SMOC1: variants seen among roughly 807,000 people sequenced by gnomAD.
SMOC1 encodes the protein SPARC related modular calcium binding 1, also known as SPARC-related modular calcium-binding protein 1.
In SMOC1, 22 loss-of-function variants were observed where a neutral mutation model predicts 56.3. The ratio of observed to expected loss-of-function variants is 0.39; its 90% CI spans 0.28 to 0.56. SMOC1 has a LOEUF of 0.56. SMOC1 is among the 20% of genes least tolerant of loss of function. The pLI is 0.61. For missense variants in SMOC1, 509 were observed against 565.4 expected (o/e 0.90, Z 1.01); for synonymous variants, 193 against 215.0 (o/e 0.90, Z 0.89).
intron 1 of SMOC1, among the ~76,000 whole-genome samples, chr14:69,910,176 C>G (rs369450991): frequency 3.0e-4 from 46 of 152,350 alleles, no homozygotes; most frequent in African/African-American, 1.0e-3. Flanking sequence ...TACATAGACT[C>G]TCATTTATTT....
At chr14:69,949,582 C>G (rs1286733316) in intron 1 of SMOC1, among the ~76,000 whole-genome samples, 1 of 152,178 alleles carries the variant, frequency 6.6e-6, no homozygotes, top group Non-Finnish European at 1.5e-5. Context: ...ATTGTCCTCA[C>G]CTGGGAGAGT....
chr14:69,953,259 G>T (rs945188174), intron 2 of SMOC1, among the ~76,000 whole-genome samples, 161 bp from the exon 3 acceptor site: 3 of 152,356 alleles, frequency 2.0e-5, no homozygotes, highest in African/African-American at 7.2e-5. Flanking sequence ...GGGAAGGGGG[G>T]CTGTGCAGCA....
At chr14:70,008,848 T>C (rs1321779401) in intron 7 of SMOC1, among the ~76,000 whole-genome samples, 5 of 152,200 alleles carry the variant, frequency 3.3e-5, no homozygotes, top group East Asian at 1.9e-4. Flanking sequence ...GGCTACCAAA[T>C]TGGGGTTGGG....
At chr14:69,918,336 C>T (rs1299575399) in intron 1 of SMOC1, among the ~76,000 whole-genome samples, 2 of 151,956 alleles carry the variant, frequency 1.3e-5, no homozygotes, top group African/African-American at 4.8e-5. Context: ...TCAGGTGATC[C>T]TCCTGCCTCC....
At chr14:70,001,354 G>T (rs1884962341) in intron 7 of SMOC1, among the ~76,000 whole-genome samples, 1 of 152,150 alleles carries the variant, frequency 6.6e-6, no homozygotes, top group South Asian at 2.1e-4. Context: ...TGAAATACAA[G>T]GAACATTTAA....
intron 3 of SMOC1, among the ~76,000 whole-genome samples, chr14:69,955,490 A>G (rs1217701108): frequency 1.3e-5 from 2 of 151,988 alleles, no homozygotes; most frequent in Non-Finnish European, 2.9e-5. Flanking sequence ...TATTCCTATA[A>G]TTAGTATTGT....
intron 3 of SMOC1, among the ~76,000 whole-genome samples, chr14:69,965,906 C>A (rs542494081): frequency 6.6e-6 from 1 of 152,168 alleles, no homozygotes. Flanking sequence ...GGAGGTGACC[C>A]GGCAGGTCAG....
intron 1 of SMOC1, among the ~76,000 whole-genome samples, chr14:69,898,623 C>T (rs558261509): frequency 4.3e-4 from 66 of 152,164 alleles, no homozygotes; most frequent in South Asian, 8.3e-4. Context: ...TGATCTCTTG[C>T]GTTTCTTTTT....
chr14:69,879,728 T>C lies in SMOC1; in HGVS notation c.50T>C (p.Val17Ala), dbSNP rs779323872. The change falls in exon 1 of 12, where the codon GTG becomes GCG. Residue 17 changes from valine (V) to alanine (A), a missense_variant. This residue lies in a region of SMOC1 where 315 missense variants were observed against 333.1 expected (regional missense o/e 0.95). Coordinates refer to ENST00000361956, the MANE Select transcript of SMOC1 (RefSeq NM_001034852.3). ...CTGCTCACGCCCCACTTGCTGCTGG[T>C]GTTGGTGCAGCTGTCCCCTGCTCGC... Reference protein sequence around the residue: ...ARLLTPHLLLVLVQLSPARGH... With the variant: ...ARLLTPHLLLALVQLSPARGH... 23 of 1,591,474 alleles carry C rather than the reference T, an allele frequency of 1.4e-5. No individual in the cohort carries two copies. Among genetic ancestry groups the C allele is most frequent in the Non-Finnish European group, 1.9e-5 (22 of 1,176,120 alleles).
chr14:70,020,751 T>C (rs972629770), intron 10 of SMOC1, among the ~76,000 whole-genome samples: 23 of 151,886 alleles, frequency 1.5e-4, no homozygotes, highest in Non-Finnish European at 3.1e-4. Context: ...GGCAAGGAGA[T>C]GTCAGGAAGG....
chr14:69,914,774 C>G (rs1440093874), intron 1 of SMOC1, among the ~76,000 whole-genome samples: 2 of 152,204 alleles, frequency 1.3e-5, no homozygotes, highest in Non-Finnish European at 2.9e-5. Flanking sequence ...ATCCCAAGTG[C>G]TGCCTGACAG....
At chr14:69,979,482 T>C (rs1884096606) in intron 5 of SMOC1, among the ~76,000 whole-genome samples, 2 of 152,226 alleles carry the variant, frequency 1.3e-5, no homozygotes, top group South Asian at 2.1e-4. Flanking sequence ...GGTTCCCTCC[T>C]AGGTGGGAAA....
chr14:69,915,310 T>G (rs1156435651), intron 1 of SMOC1, among the ~76,000 whole-genome samples: 2 of 152,214 alleles, frequency 1.3e-5, no homozygotes, highest in African/African-American at 2.4e-5. Flanking sequence ...AATCTACCCA[T>G]GTCTGTGCCC....
chr14:69,903,326 G>A (rs967376686), intron 1 of SMOC1, among the ~76,000 whole-genome samples: 2 of 152,034 alleles, frequency 1.3e-5, no homozygotes, highest in Non-Finnish European at 2.9e-5. Context: ...GAGAACTGAG[G>A]AGCCCCTCCG....
intron 5 of SMOC1, among the ~76,000 whole-genome samples, chr14:69,990,486 A>G (rs888793441): frequency 1.3e-5 from 2 of 152,218 alleles, no homozygotes; most frequent in Non-Finnish European, 2.9e-5. Context: ...GGCTGAGCAC[A>G]CTGTGCTGGA....
intron 1 of SMOC1, among the ~76,000 whole-genome samples, chr14:69,898,433 G>C (rs976154136): frequency 9.3e-5 from 14 of 150,340 alleles, no homozygotes; most frequent in African/African-American, 3.4e-4. Context: ...ACCTTTCATG[G>C]TTTTCCCAAA....
At chr14:69,915,807 A>G (rs778989101) in intron 1 of SMOC1, among the ~76,000 whole-genome samples, 1 of 152,132 alleles carries the variant, frequency 6.6e-6, no homozygotes, top group Non-Finnish European at 1.5e-5. Flanking sequence ...AGTTTCTGGG[A>G]CATTACTTGG....
At chr14:69,882,934 A>C (rs1883683894) in intron 1 of SMOC1, among the ~76,000 whole-genome samples, 1 of 152,224 alleles carries the variant, frequency 6.6e-6, no homozygotes, top group Non-Finnish European at 1.5e-5. Context: ...CAGGAACTAG[A>C]TTTAAGAAGT....
intron 1 of SMOC1, among the ~76,000 whole-genome samples, chr14:69,896,774 A>G (rs1276106573): frequency 6.6e-6 from 1 of 152,182 alleles, no homozygotes; most frequent in Non-Finnish European, 1.5e-5. Flanking sequence ...GTCTTCCTCC[A>G]TGTGCCGTGT....
Sources: gnomAD v4.1 joint callset for allele counts (sites outside exome capture counted in the v4.1 genomes callset) on GRCh38, gnomAD v4.1.1 for gene constraint, gnomAD v4.1.1 regional missense constraint, MANE v1.5 for transcripts, NCBI Gene and HGNC (gene_info 2026-07-23, HGNC 2026-07-21) for gene names.